The following B3GALT1 variants were observed in gnomAD, a reference collection of about 807,000 sequenced individuals.
B3GALT1 encodes UDP-Gal:betaGlcNAc beta 1,3-galactosyltransferase, polypeptide 1.
Under a neutral mutation model 23.2 loss-of-function variants are expected in B3GALT1, and 10 were observed. That is an observed-to-expected ratio of 0.43 (90% confidence interval 0.27 to 0.73). The LOEUF (loss-of-function observed/expected upper bound fraction) is 0.73, where lower values mean the gene tolerates loss of function less well. Among genes scored for constraint, B3GALT1 ranks in the 30% least tolerant of loss-of-function variants. The pLI is 0.21. For synonymous variants in B3GALT1, 156 were observed against 141.5 expected, an observed-to-expected ratio of 1.10 and a Z score of -0.73; for missense variants, 299 against 405.4, an observed-to-expected ratio of 0.74 and a Z score of 2.25.
chr2:167,554,137 A>G (rs1019823543), intron 2 of B3GALT1, among the ~76,000 whole-genome samples: 4 of 152,186 alleles, frequency 2.6e-5, no homozygotes, highest in Non-Finnish European at 5.9e-5. Flanking sequence ...ATGACTTTGA[A>G]CAAGCAATTT....
At chr2:167,361,801 C>T (rs1454634130) in intron 1 of B3GALT1, among the ~76,000 whole-genome samples, 4 of 151,994 alleles carry the variant, frequency 2.6e-5, no homozygotes, top group Non-Finnish European at 5.9e-5. Context: ...GGGCTGGGCA[C>T]GGTGGCTCAT....
chr2:167,367,099 A>T (rs538522335), intron 1 of B3GALT1, among the ~76,000 whole-genome samples: 3 of 152,356 alleles, frequency 2.0e-5, no homozygotes, highest in Admixed American at 1.3e-4. Flanking sequence ...AGACTATTAC[A>T]TCACACTGAG....
chr2:167,795,879 T>C (rs995530830), intron 3 of B3GALT1, among the ~76,000 whole-genome samples: 6 of 152,200 alleles, frequency 3.9e-5, no homozygotes, highest in Non-Finnish European at 8.8e-5. Flanking sequence ...TAAGAGAAAA[T>C]GGAGGGTAAT....
Position 167,308,675 on chromosome 2 carries a change from T to A in B3GALT1, c.-511+15341T>A, listed in dbSNP as rs941065723. On this transcript the variant is annotated intron_variant, in intron 1 of 4. Coordinates refer to ENST00000392690, the MANE Select transcript of B3GALT1 (RefSeq NM_020981.4). ...AGCACATTTCTTCTAAGATTTTTTT[T>A]AAAAGGCTCATTTCCTGTTAGCTTT... Among the ~76,000 whole-genome samples the A allele has an allele frequency of 2.6e-5, 4 of 151,998 alleles. No individual in the cohort carries two copies. In the South Asian group the frequency reaches 6.2e-4, roughly 24 times the overall value.
At chr2:167,494,247 A>C (rs7557157) in intron 2 of B3GALT1, among the ~76,000 whole-genome samples, 7,040 of 152,090 alleles carry the variant, frequency 0.046, 533 homozygotes, top group African/African-American at 0.16. Flanking sequence ...TATTTAATAA[A>C]TAGATCAAAT....
intron 1 of B3GALT1, among the ~76,000 whole-genome samples, chr2:167,453,207 A>G (rs1285129587): frequency 6.6e-6 from 1 of 152,132 alleles, no homozygotes; most frequent in Non-Finnish European, 1.5e-5. Flanking sequence ...CACCTTCACT[A>G]TAAGATAAAT....
At chr2:167,761,215 G>C (rs901900323) in intron 3 of B3GALT1, among the ~76,000 whole-genome samples, 1 of 152,160 alleles carries the variant, frequency 6.6e-6, no homozygotes, top group African/African-American at 2.4e-5. Flanking sequence ...TTCAGTAGCA[G>C]GTCTTTTTTC....
At chr2:167,346,391 A>G (rs1320370062) in intron 1 of B3GALT1, among the ~76,000 whole-genome samples, 1 of 152,180 alleles carries the variant, frequency 6.6e-6, no homozygotes, top group Non-Finnish European at 1.5e-5. Flanking sequence ...TTTACTTAAA[A>G]TAATCCAAAA....
intron 4 of B3GALT1, among the ~76,000 whole-genome samples, chr2:167,851,565 G>A (rs1689891885): frequency 6.6e-6 from 1 of 152,138 alleles, no homozygotes; most frequent in South Asian, 2.1e-4. Flanking sequence ...TAAATCTGAT[G>A]AACATTGTTT....
At chr2:167,369,183 C>T (rs2105268146) in intron 1 of B3GALT1, among the ~76,000 whole-genome samples, 1 of 151,630 alleles carries the variant, frequency 6.6e-6, no homozygotes, top group South Asian at 2.1e-4. Flanking sequence ...CAGCTTTGCA[C>T]ATATAAAATA....
chr2:167,761,232 T>C (rs1156442815), intron 3 of B3GALT1, among the ~76,000 whole-genome samples: 1 of 152,204 alleles, frequency 6.6e-6, no homozygotes, highest in African/African-American at 2.4e-5. Context: ...TTTCTGCAGC[T>C]GAAGATATAT....
At chr2:167,661,273 G>A (rs1035798634) in intron 3 of B3GALT1, among the ~76,000 whole-genome samples, 1 of 152,060 alleles carries the variant, frequency 6.6e-6, no homozygotes, top group Non-Finnish European at 1.5e-5. Flanking sequence ...TCTTTGTGAT[G>A]TATTAAGCCA....
At chr2:167,423,979 A>G (rs1424462041) in intron 1 of B3GALT1, among the ~76,000 whole-genome samples, 2 of 152,140 alleles carry the variant, frequency 1.3e-5, no homozygotes. Context: ...GGTAGACATG[A>G]CAACACGTTT....
chr2:167,602,243 G>A (rs1684889664), intron 2 of B3GALT1, among the ~76,000 whole-genome samples: 1 of 152,124 alleles, frequency 6.6e-6, no homozygotes, highest in Non-Finnish European at 1.5e-5. Context: ...CAGGCAAATT[G>A]GAGAAACAGC....
At chr2:167,446,859 A>T (rs1699005122) in intron 1 of B3GALT1, among the ~76,000 whole-genome samples, 1 of 152,092 alleles carries the variant, frequency 6.6e-6, no homozygotes, top group Non-Finnish European at 1.5e-5. Context: ...TCTTCTCTCA[A>T]ATCGTCAAAG....
rs116404817 is a variant in B3GALT1 at position 167,452,091 on chromosome 2, C to T, written c.-510-38086C>T. On this transcript the variant is annotated intron_variant, in intron 1 of 4. Coordinates refer to ENST00000392690, the MANE Select transcript of B3GALT1 (RefSeq NM_020981.4). ...AGTAAGCAGAGCTGAGAACTTGCCC[C>T]GGGCTACCGGTTTCCCAGCTGAGAA... is the stretch of plus-strand genomic sequence containing the variant. 6.5e-3 allele frequency among the ~76,000 whole-genome samples: 997 copies of T among 152,220 alleles called. 13 individuals carry two copies. The highest frequency in any genetic ancestry group is 0.023 in the African/African-American group (952 of 41,542).
At chr2:167,808,715 C>A (rs939468782) in intron 3 of B3GALT1, among the ~76,000 whole-genome samples, 2 of 151,906 alleles carry the variant, frequency 1.3e-5, no homozygotes, top group Non-Finnish European at 2.9e-5. Context: ...CTGCCCTTAA[C>A]ATTTTTTCCT....
At chr2:167,770,427 T>A (rs1182124769) in intron 3 of B3GALT1, among the ~76,000 whole-genome samples, 1 of 152,252 alleles carries the variant, frequency 6.6e-6, no homozygotes, top group African/African-American at 2.4e-5. Flanking sequence ...ATATTCTTTT[T>A]GGTAAAATAT....
intron 1 of B3GALT1, among the ~76,000 whole-genome samples, chr2:167,386,953 G>A (rs1697937758): frequency 6.6e-6 from 1 of 152,188 alleles, no homozygotes; most frequent in Non-Finnish European, 1.5e-5. Flanking sequence ...CCGCTTGAGT[G>A]ACTCCTTGGT....
Sources: gnomAD v4.1 joint callset for allele counts (sites outside exome capture counted in the v4.1 genomes callset) on GRCh38, gnomAD v4.1.1 for gene constraint, MANE v1.5 for transcripts, NCBI Gene and HGNC (gene_info 2026-07-23, HGNC 2026-07-21) for gene names.